The following TFEB variants were observed in gnomAD, a reference collection of about 807,000 sequenced individuals.
The protein encoded by TFEB is T-cell transcription factor EB.
In TFEB, 12 loss-of-function variants were observed where a neutral mutation model predicts 48.0. The observed-to-expected ratio is 0.25, with a 90% CI of 0.16 to 0.40. The LOEUF (loss-of-function observed/expected upper bound fraction) is 0.40. Among genes scored for constraint, TFEB ranks in the 10% least tolerant of loss-of-function variants. The probability of loss-of-function intolerance (pLI) is 1.00; values close to 1 mark genes in which losing one functional copy is unlikely to be tolerated. For synonymous variants in TFEB, 244 were observed against 261.4 expected (o/e 0.93, Z 0.64); for missense variants, 509 against 640.3 (o/e 0.79, Z 2.21).
chr6:41,719,824 A>ACTCAGGCC (rs1037038200), intron 1 of TFEB, among the ~76,000 whole-genome samples: 2 of 152,092 alleles, frequency 1.3e-5, no homozygotes, highest in African/African-American at 4.8e-5. Context: ...CGAATCCAGA[A>ACTCAGGCC]CTCAGGCCCT....
chr6:41,735,728 G>A, upstream of TFEB: 1 of 263,704 alleles, frequency 3.8e-6, no homozygotes, highest in Non-Finnish European at 6.0e-6. Context: ...GCCGGGATTT[G>A]TAGTCCCGCT....
chr6:41,687,237 A>C lies in TFEB; in HGVS notation c.728-68T>G. 1.8e-5 allele frequency: 27 copies of C among 1,517,900 alleles called. No individual in the cohort carries two copies. In the Middle Eastern group the frequency reaches 6.1e-4, roughly 34 times the overall value. The allele number at this position is 1,517,900 out of a possible 1,614,324, so 94.0% of individuals were successfully genotyped here. A position where few individuals can be genotyped will look rare whatever the true frequency, so the allele number is the denominator to read the frequency against. On this transcript the variant is annotated intron_variant, in intron 6 of 8. Transcript: ENST00000373033. ...GACCCCCCACCCCATGGGGAGAAGT[A>C]CCCAGCCCAGGGAGGGGTGCTTCAG...
intron 1 of TFEB, among the ~76,000 whole-genome samples, chr6:41,705,311 C>T (rs374827148): frequency 1.1e-3 from 162 of 152,332 alleles, no homozygotes; most frequent in African/African-American, 3.6e-3. Context: ...GAGAAACCTA[C>T]GTCCTGCCCA....
intron 1 of TFEB, among the ~76,000 whole-genome samples, chr6:41,725,211 G>C (rs919917496): frequency 6.6e-6 from 1 of 152,180 alleles, no homozygotes; most frequent in African/African-American, 2.4e-5. Flanking sequence ...CAGACACTCA[G>C]GGCCAGGTAA....
intron 1 of TFEB, among the ~76,000 whole-genome samples, chr6:41,709,636 G>C (rs1029065715): frequency 1.3e-5 from 2 of 152,034 alleles, no homozygotes; most frequent in Non-Finnish European, 2.9e-5. Context: ...GTGGGTGGAT[G>C]GATGGATGGA....
chr6:41,735,215 A>G (rs1222855918), intron 1 of TFEB, 135 bp downstream of exon 1: 2 of 908,128 alleles, frequency 2.2e-6, no homozygotes, highest in Non-Finnish European at 2.6e-6. Context: ...GGCGGCGCGC[A>G]CGGTCCTGCT....
At position 41,735,425 on chromosome 6, in the gene TFEB, C is replaced by T; in HGVS notation, c.-98G>A. 3.0e-6 allele frequency: 3 copies of T among 985,450 alleles called. No individual in the cohort carries two copies. Among genetic ancestry groups the T allele is most frequent in the Non-Finnish European group, 2.4e-6 (2 of 830,252 alleles). The allele number at this position is 985,450 out of a possible 1,614,324, so 61.0% of individuals were successfully genotyped here. A position where few individuals can be genotyped will look rare whatever the true frequency, so the allele number is the denominator to read the frequency against. On this transcript the variant is annotated 5_prime_UTR_variant, in exon 1 of 9. Coordinates refer to ENST00000373033, the MANE Select transcript of TFEB (RefSeq NM_001271944.2). ...ACTTGTCGCAAGTTCGGGTGCCTGGCCCGCAAGCTGTGCCCGCCACCTGCT... is the reference window on the plus strand; with the variant it reads ...ACTTGTCGCAAGTTCGGGTGCCTGGTCCGCAAGCTGTGCCCGCCACCTGCT...
intron 1 of TFEB, among the ~76,000 whole-genome samples, chr6:41,717,502 T>C (rs1241265896): frequency 6.6e-6 from 1 of 152,158 alleles, no homozygotes; most frequent in African/African-American, 2.4e-5. Context: ...ATTACACAAC[T>C]GAGGAGAATG....
At position 41,690,917 on chromosome 6, in the gene TFEB, C is replaced by A; in HGVS notation, c.214G>T (p.Val72Leu). Residue 72 changes from valine (V) to leucine (L), a missense_variant and splice_region_variant, in exon 3 of 9, where the codon GTG becomes TTG. By Grantham distance (32) the Val-to-Leu change is conservative. Transcript: ENST00000373033. ...GTGGGATTCTCCAGGTAGGACTGCA[C>A]CTGGGAGGGGGAAAAGGCAAGGGCT... ...PPPVPGEVLKVQSYLENPTSY... is the reference protein window; with the variant it reads ...PPPVPGEVLKLQSYLENPTSY... 6.3e-7 allele frequency: 1 copy of A among 1,582,588 alleles called. No homozygotes were observed. Among genetic ancestry groups the A allele is most frequent in the Admixed American group, 1.7e-5 (1 of 58,646 alleles).
chr6:41,703,869 G>C (rs568962643), intron 1 of TFEB, among the ~76,000 whole-genome samples: 1 of 152,258 alleles, frequency 6.6e-6, no homozygotes, highest in South Asian at 2.1e-4. Context: ...TTACAGAGGG[G>C]GCAACTGAGT....
intron 1 of TFEB, chr6:41,733,592 G>A: frequency 4.1e-6 from 4 of 985,120 alleles, no homozygotes; most frequent in Non-Finnish European, 4.8e-6. Flanking sequence ...CCAGGAGGCA[G>A]ACGGAGAGAA....
chr6:41,715,196 T>G (rs956954700), intron 1 of TFEB, among the ~76,000 whole-genome samples: 1 of 152,070 alleles, frequency 6.6e-6, no homozygotes, highest in African/African-American at 2.4e-5. Context: ...CTCTGGCCTC[T>G]CCATGTTGCG....
intron 1 of TFEB, among the ~76,000 whole-genome samples, chr6:41,726,674 C>A (rs186827686): frequency 6.6e-6 from 1 of 152,134 alleles, no homozygotes; most frequent in South Asian, 2.1e-4. Flanking sequence ...CCCCTGACCT[C>A]GTGATCTGCC....
intron 1 of TFEB, among the ~76,000 whole-genome samples, chr6:41,694,792 T>G (rs903974199): frequency 6.6e-6 from 1 of 152,066 alleles, no homozygotes; most frequent in Non-Finnish European, 1.5e-5. Context: ...TCAGTAACAC[T>G]GGGGGCCTGG....
Position 41,684,348 on chromosome 6 carries a change from T to G in TFEB, c.*251A>C. On this transcript the variant is annotated 3_prime_UTR_variant, in exon 9 of 9. Coordinates refer to ENST00000373033, the MANE Select transcript of TFEB (RefSeq NM_001271944.2). ...CACCCTGCCCCTCCCTGCCCCGCGATTCCATCTCCGGGAGAGGGGCTGAAG... is the reference window on the plus strand; with the variant it reads ...CACCCTGCCCCTCCCTGCCCCGCGAGTCCATCTCCGGGAGAGGGGCTGAAG... 3 of 381,050 alleles carry G rather than the reference T, an allele frequency of 7.9e-6. No homozygotes were observed. The highest frequency in any genetic ancestry group is 4.1e-5 in the East Asian group (1 of 24,334). The allele number at this position is 381,050 out of a possible 1,614,324, so 23.6% of individuals were successfully genotyped here. A position where few individuals can be genotyped will look rare whatever the true frequency, so the allele number is the denominator to read the frequency against.
In TFEB at chr6:41,684,001, G is replaced by C. The variant is rs1257844136; in HGVS notation, c.*598C>G. 9.1e-6 allele frequency: 2 copies of C among 220,144 alleles called. No individual in the cohort carries two copies. Among genetic ancestry groups the C allele is most frequent in the Non-Finnish European group, 1.8e-5 (2 of 109,616 alleles). 13.6% of individuals were successfully genotyped at this position (220,144 alleles called of 1,614,324 possible). A position where few individuals can be genotyped will look rare whatever the true frequency, so the allele number is the denominator to read the frequency against. ...AGTACAAAGCACAGTGTTTACTAAA[G>C]GCACAAAGTGAGGGGTCGGAGGGCA... On this transcript the variant is annotated 3_prime_UTR_variant, in exon 9 of 9. Coordinates refer to ENST00000373033, the MANE Select transcript of TFEB (RefSeq NM_001271944.2).
At chr6:41,735,013 C>G (rs1203061189) in intron 1 of TFEB, 1 of 985,344 alleles carries the variant, frequency 1.0e-6, no homozygotes, top group African/African-American at 1.7e-5. Flanking sequence ...CGCCTCCCGC[C>G]CCTTCGACTC....
At chr6:41,687,647 T>G in intron 6 of TFEB, 106 bp downstream of exon 6, 1 of 1,445,090 alleles carries the variant, frequency 6.9e-7, no homozygotes, top group Non-Finnish European at 9.6e-7. Flanking sequence ...GAATTGGCCT[T>G]GAGCAGGGAA....
rs1186034831 is a variant in TFEB, at chr6:41,733,664, C to T, written c.-23+1686G>A. The stretch of plus-strand genomic sequence containing the variant: ...GGTCACCGGCATGGTGAAAGCATAC[C>T]GTCAGGTTAGCAGGCAGGGACCTCA... On this transcript the variant is annotated intron_variant, in intron 1 of 8. Transcript: ENST00000373033. 1.1e-5 allele frequency: 11 copies of T among 985,340 alleles called. No homozygotes were observed. In the South Asian group the frequency reaches 3.8e-4, roughly 34 times the overall value. 61.0% of individuals were successfully genotyped at this position (985,340 alleles called of 1,614,324 possible).
Sources: gnomAD v4.1 joint callset for allele counts (sites outside exome capture counted in the v4.1 genomes callset) on GRCh38, gnomAD v4.1.1 for gene constraint, MANE v1.5 for transcripts, NCBI Gene and HGNC (gene_info 2026-07-23, HGNC 2026-07-21) for gene names.